Variants in SRSF12 observed in about 807,000 individuals in gnomAD.
The protein encoded by SRSF12 is serine and arginine rich splicing factor 12, also known as serine/arginine-rich splicing factor 12.
SRSF12 carries 21 observed loss-of-function variants against 34.1 expected under a neutral mutation model. The ratio of observed to expected loss-of-function variants is 0.62; its 90% CI spans 0.44 to 0.89. The LOEUF (loss-of-function observed/expected upper bound fraction) is 0.89. Among genes scored for constraint, SRSF12 ranks in the 40% least tolerant of loss-of-function variants. The pLI is 0.00. For synonymous variants in SRSF12, 111 were observed against 110.8 expected (o/e 1.00, Z -0.01); for missense variants, 278 against 327.8 (o/e 0.85, Z 1.17).
rs1483390306 is a variant in SRSF12, at chr6:89,096,563, A to T, written c.*2015T>A. On this transcript the variant is annotated 3_prime_UTR_variant, in exon 5 of 5. Coordinates refer to ENST00000452027, the MANE Select transcript of SRSF12 (RefSeq NM_080743.5). ...ACAATGACAAACCTAGTCAGAGGTAAATCAAAGGATTAAATATGTTCAGGA... is the reference window on the plus strand; with the variant it reads ...ACAATGACAAACCTAGTCAGAGGTATATCAAAGGATTAAATATGTTCAGGA... 3.3e-5 allele frequency: 5 copies of T among 152,234 alleles called. No individual in the cohort carries two copies. Among genetic ancestry groups the T allele is most frequent in the Non-Finnish European group, 7.3e-5 (5 of 68,046 alleles). The allele number at this position is 152,234 out of a possible 1,614,324, so 9.4% of individuals were successfully genotyped here. A position where few individuals can be genotyped will look rare whatever the true frequency, so the allele number is the denominator to read the frequency against.
chr6:89,111,413 A>G (rs1473389190), intron 1 of SRSF12, among the ~76,000 whole-genome samples: 1 of 152,186 alleles, frequency 6.6e-6, no homozygotes, highest in Non-Finnish European at 1.5e-5. Context: ...TTTTGATGCT[A>G]TGGTAAATGC....
chr6:89,101,242 C>A (rs1034376055), intron 4 of SRSF12, among the ~76,000 whole-genome samples: 1 of 152,022 alleles, frequency 6.6e-6, no homozygotes, highest in Non-Finnish European at 1.5e-5. Context: ...CATACAGTCA[C>A]ACAAGCCAGA....
intron 1 of SRSF12, among the ~76,000 whole-genome samples, chr6:89,109,996 C>A (rs1255149365): frequency 6.6e-6 from 1 of 152,028 alleles, no homozygotes; most frequent in Admixed American, 6.6e-5. Context: ...GAGGCTGAGG[C>A]AGGAGAATGG....
intron 1 of SRSF12, among the ~76,000 whole-genome samples, chr6:89,112,815 G>A (rs1769121989): frequency 6.6e-6 from 1 of 152,002 alleles, no homozygotes; most frequent in Non-Finnish European, 1.5e-5. Context: ...ATATATCATG[G>A]TGGCCCCATA....
rs1768279908 is a variant in SRSF12, at chr6:89,096,113, A to C, written c.*2465T>G. Reference sequence around the variant, plus strand: ...CAAACAATTTTCACCTAGTCACAAAAGTCATTTTCATCGAAGCCTACAGTC... The same window carrying C: ...CAAACAATTTTCACCTAGTCACAAACGTCATTTTCATCGAAGCCTACAGTC... On this transcript the variant is annotated 3_prime_UTR_variant, in exon 5 of 5. Coordinates refer to ENST00000452027, the MANE Select transcript of SRSF12 (RefSeq NM_080743.5). 6.6e-6 allele frequency: 1 copy of C among 152,208 alleles called. No individual in the cohort carries two copies. The highest frequency in any genetic ancestry group is 6.5e-5 in the Admixed American group (1 of 15,280). The allele number at this position is 152,208 out of a possible 1,614,324, so 9.4% of individuals were successfully genotyped here.
At chr6:89,101,980 G>T (rs528845790) in intron 4 of SRSF12, among the ~76,000 whole-genome samples, 6 of 151,018 alleles carry the variant, frequency 4.0e-5, no homozygotes, top group Non-Finnish European at 7.4e-5. Flanking sequence ...AATATTCACT[G>T]CCCTGGTACT....
chr6:89,110,413 T>C (rs976505212), intron 1 of SRSF12, among the ~76,000 whole-genome samples: 5 of 152,166 alleles, frequency 3.3e-5, no homozygotes, highest in African/African-American at 9.7e-5. Context: ...TTACACCCTA[T>C]GTAAATGAAG....
At chr6:89,103,165 C>T (rs751496499) in intron 4 of SRSF12, among the ~76,000 whole-genome samples, 9 of 152,120 alleles carry the variant, frequency 5.9e-5, no homozygotes, top group Non-Finnish European at 1.2e-4. Flanking sequence ...AAGATGTGGT[C>T]CTTCCATCCC....
intron 4 of SRSF12, among the ~76,000 whole-genome samples, chr6:89,102,173 T>C (rs934805008): frequency 3.3e-5 from 5 of 152,144 alleles, no homozygotes; most frequent in Admixed American, 6.5e-5. Context: ...AGACAGAGTC[T>C]TGCTCTGTCA....
chr6:89,112,135 G>C (rs1435259473), intron 1 of SRSF12, among the ~76,000 whole-genome samples: 1 of 152,032 alleles, frequency 6.6e-6, no homozygotes, highest in Non-Finnish European at 1.5e-5. Flanking sequence ...AGCCTGCCGA[G>C]TAGCTGGGAT....
At position 89,117,813 on chromosome 6, in the gene SRSF12, G is replaced by C; in HGVS notation, c.65+10C>G. On this transcript the variant is annotated intron_variant, in intron 1 of 4. Transcript: ENST00000452027. ...CTCCGCGCCCCCAACCTGCAGCCGC[G>C]GCCGTTCACCTGGTGGCGTCCGCGA... 1.9e-6 allele frequency: 3 copies of C among 1,549,794 alleles called. No homozygotes were observed. The South Asian group carries it at 3.6e-5, about 18-fold the overall frequency.
rs113873860 is a variant in SRSF12 at position 89,113,734 on chromosome 6, C to T, written c.65+4089G>A. 7.1e-3 allele frequency among the ~76,000 whole-genome samples: 1,080 copies of T among 152,264 alleles called. 15 individuals are homozygous for T. The highest frequency in any genetic ancestry group is 0.025 in the African/African-American group (1,037 of 41,538). The stretch of plus-strand genomic sequence containing the variant: ...TCTTGACTCACTGCAGCCTCGACCA[C>T]CTGGGCTCAGGCGATCCTCCCACGT... On this transcript the variant is annotated intron_variant, in intron 1 of 4. Coordinates refer to ENST00000452027, the MANE Select transcript of SRSF12 (RefSeq NM_080743.5).
chr6:89,104,228 T>C (rs1298009678), intron 4 of SRSF12, among the ~76,000 whole-genome samples: 1 of 20,038 alleles, frequency 5.0e-5, no homozygotes, highest in Non-Finnish European at 1.7e-4. Context: ...ATCACCTTTT[T>C]TTTTTTTTTT....
intron 4 of SRSF12, among the ~76,000 whole-genome samples, chr6:89,100,895 A>G (rs1316488950): frequency 2.0e-5 from 3 of 152,184 alleles, no homozygotes; most frequent in Non-Finnish European, 2.9e-5. Flanking sequence ...ACCTGAGGTC[A>G]GGAGTTCAAG....
At position 89,099,366 on chromosome 6, in the gene SRSF12, A is replaced by T. The variant is rs374150523; in HGVS notation, c.417-419T>A. On this transcript the variant is annotated intron_variant, in intron 4 of 4. Transcript: ENST00000452027. The stretch of plus-strand genomic sequence containing the variant: ...ATGACAGAACAGCTTGTATTAGACT[A>T]ATCTTCCCATAGAAAACAGCTCTCT... Among the ~76,000 whole-genome samples the T allele has an allele frequency of 5.7e-5, 8 of 140,432 alleles. No homozygotes were observed. The East Asian group carries it at 1.1e-3, about 19-fold the overall frequency. 92.1% of individuals were successfully genotyped at this position (140,432 alleles called of 152,430 possible). A position where few individuals can be genotyped will look rare whatever the true frequency, so the allele number is the denominator to read the frequency against.
chr6:89,117,006 TGA>T (rs1161096702), intron 1 of SRSF12, among the ~76,000 whole-genome samples: 1 of 151,998 alleles, frequency 6.6e-6, no homozygotes, highest in East Asian at 1.9e-4. Context: ...CCCAGTGAAA[TGA>T]GAATGTCTAT....
Position 89,110,090 on chromosome 6 carries a change from C to CA in SRSF12, c.66-2833dup, listed in dbSNP as rs139025607. On this transcript the variant is annotated intron_variant, in intron 1 of 4. Coordinates refer to ENST00000452027, the MANE Select transcript of SRSF12 (RefSeq NM_080743.5). The stretch of plus-strand genomic sequence containing the variant: ...TGGGCAACAGAGCAAGACTCTGTCT[C>CA]AAAAAAAAAAAATTATTTTCTCCGT... Among the ~76,000 whole-genome samples the CA allele has an allele frequency of 5.1e-4, 74 of 145,482 alleles. 1 individual carries two copies. Among genetic ancestry groups the CA allele is most frequent in the South Asian group, 2.6e-3 (12 of 4,594 alleles).
Position 89,098,640 on chromosome 6 carries a change from T to C in SRSF12, c.724A>G (p.Lys242Glu), listed in dbSNP as rs774470607. 9 of 1,613,966 alleles carry C rather than the reference T, an allele frequency of 5.6e-6. No homozygotes were observed. Among genetic ancestry groups the C allele is most frequent in the Non-Finnish European group, 6.8e-6 (8 of 1,179,860 alleles). The stretch of plus-strand genomic sequence containing the variant: ...GAATGTGACCGAAAATGAGAATGCT[T>C]TGCTGTTTGTACTTTAGTTTCAGAA... The part of the protein sequence containing the change: ...TNSETKVQTA[K>E]HSHFRSHSRS... Residue 242 changes from lysine (K) to glutamate (E), a missense_variant, in exon 5 of 5, where the codon AAG (lysine) becomes GAG (glutamate). By Grantham distance (56) the Lys-to-Glu change is moderately conservative (BLOSUM62 1). Coordinates refer to ENST00000452027, the MANE Select transcript of SRSF12 (RefSeq NM_080743.5).
rs1457945311 is a variant in SRSF12, at chr6:89,109,358, A to G, written c.66-2100T>C. On this transcript the variant is annotated intron_variant, in intron 1 of 4. Coordinates refer to ENST00000452027, the MANE Select transcript of SRSF12 (RefSeq NM_080743.5). Reference sequence around the variant, plus strand: ...TCTGTACCTAATGTAGCTGCTGGGCACACAGTAGGTACTCAATATATATTT... The same window carrying G: ...TCTGTACCTAATGTAGCTGCTGGGCGCACAGTAGGTACTCAATATATATTT... 5.9e-5 allele frequency among the ~76,000 whole-genome samples: 9 copies of G among 152,350 alleles called. No individual in the cohort carries two copies. The East Asian group carries it at 9.6e-4, about 16-fold the overall frequency.
Sources: allele counts gnomAD v4.1 joint callset (sites outside exome capture counted in the v4.1 genomes callset), GRCh38; gene constraint gnomAD v4.1.1; transcripts MANE v1.5; gene names NCBI Gene and HGNC (gene_info 2026-07-23, HGNC 2026-07-21).